ATP9B: variants seen among roughly 807,000 people sequenced by gnomAD.
ATP9B encodes probable phospholipid-transporting ATPase IIB.
Under a neutral mutation model 146.1 loss-of-function variants are expected in ATP9B, and 110 were observed. The ratio of observed to expected loss-of-function variants is 0.75; its 90% CI spans 0.65 to 0.88. The LOEUF is 0.88. Ranked by LOEUF, ATP9B falls within the 40% of genes least tolerant of loss-of-function variation. The pLI is 0.00. For synonymous variants in ATP9B, 604 were observed against 569.7 expected, an observed-to-expected ratio of 1.06 and a Z score of -0.86; for missense variants, 1,499 against 1,496.4, an observed-to-expected ratio of 1.00 and a Z score of -0.03.
intron 29 of ATP9B, chr18:79,376,244 A>G (rs1393194621): frequency 2.0e-6 from 2 of 984,508 alleles, no homozygotes; most frequent in East Asian, 1.1e-4. Context: ...GCTAGCCTAG[A>G]TCGTCCAAAC....
In ATP9B at chr18:79,156,080, C is replaced by G. The variant is rs141495292; in HGVS notation, c.778+1525C>G. On this transcript the variant is annotated intron_variant, in intron 7 of 29. Coordinates refer to ENST00000426216, the MANE Select transcript of ATP9B (RefSeq NM_198531.5). ...CCCGGCCAAATGTTTTCTCTTTCTA[C>G]CAGTTGTAGTTACATGGTTACTTAC... Among the ~76,000 whole-genome samples the G allele has an allele frequency of 4.9e-3, 750 of 152,208 alleles. 5 individuals carry two copies. Among genetic ancestry groups the G allele is most frequent in the African/African-American group, 0.017 (712 of 41,544 alleles).
chr18:79,317,901 T>C (rs1275961000), intron 15 of ATP9B, among the ~76,000 whole-genome samples: 2 of 152,108 alleles, frequency 1.3e-5, no homozygotes, highest in Non-Finnish European at 2.9e-5. Flanking sequence ...AAGGAATTGC[T>C]CAAAGCCAGC....
chr18:79,250,326 G>A (rs2096010470), intron 11 of ATP9B, among the ~76,000 whole-genome samples: 1 of 152,216 alleles, frequency 6.6e-6, no homozygotes, highest in Non-Finnish European at 1.5e-5. Context: ...TACAAAAAAA[G>A]ACCAACTCTG....
chr18:79,116,830 C>T (rs1219427687), intron 4 of ATP9B, among the ~76,000 whole-genome samples: 6 of 100,054 alleles, frequency 6.0e-5, no homozygotes, highest in Admixed American at 1.1e-4. Flanking sequence ...CTAGATGACA[C>T]GTTAGTGGGT....
intron 15 of ATP9B, among the ~76,000 whole-genome samples, chr18:79,321,385 T>G (rs1161850336): frequency 6.6e-4 from 1 of 1,510 alleles, no homozygotes; most frequent in African/African-American, 5.5e-3. Context: ...CATCTAGCAA[T>G]TTTTTTTTTT....
rs1448701991 is a variant in ATP9B at position 79,171,877 on chromosome 18, CG to C, written c.779-4935del. The stretch of plus-strand genomic sequence containing the variant: ...AAACCATTCATGACCTTCGGAGACT[CG>C]TTTTTTTTTGTTTGTTTGTTTGTTT... On this transcript the variant is annotated intron_variant, in intron 7 of 29. Coordinates refer to ENST00000426216, the MANE Select transcript of ATP9B (RefSeq NM_198531.5). Among the ~76,000 whole-genome samples the C allele has an allele frequency of 2.6e-4, 27 of 104,870 alleles. No homozygotes were observed. The East Asian group carries it at 0.01, about 39-fold the overall frequency. 68.8% of individuals were successfully genotyped at this position (104,870 alleles called of 152,430 possible).
chr18:79,267,257 A>C (rs1297988188), intron 12 of ATP9B, among the ~76,000 whole-genome samples: 1 of 152,026 alleles, frequency 6.6e-6, no homozygotes, highest in Non-Finnish European at 1.5e-5. Flanking sequence ...CTGTGATATG[A>C]ACCTTTTTAA....
Position 79,369,458 on chromosome 18 carries a change from G to A in ATP9B, c.3013-3367G>A, listed in dbSNP as rs552190333. ...TGAGGTAGGAGAATGGCGTGAACCC[G>A]GGAGGCGAAGCCTGCAGTGAGCCAA... On this transcript the variant is annotated intron_variant, in intron 26 of 29. Coordinates refer to ENST00000426216, the MANE Select transcript of ATP9B (RefSeq NM_198531.5). Among the ~76,000 whole-genome samples, 18 of 151,504 alleles carry A rather than the reference G, an allele frequency of 1.2e-4. No homozygotes were observed. In the East Asian group the frequency reaches 1.6e-3, roughly 13 times the overall value.
intron 7 of ATP9B, among the ~76,000 whole-genome samples, chr18:79,164,281 GATAACGCCA>G: frequency 6.6e-6 from 1 of 152,206 alleles, no homozygotes; most frequent in African/African-American, 2.4e-5. Context: ...TACTTTAATT[GATAACGCCA>G]ATAACTGGAG....
chr18:79,169,122 C>G (rs923106776), intron 7 of ATP9B, among the ~76,000 whole-genome samples: 4 of 152,212 alleles, frequency 2.6e-5, no homozygotes, highest in Middle Eastern at 3.4e-3. Flanking sequence ...ACAGTGGAGG[C>G]ATTTTTCTAT....
At chr18:79,277,685 G>C (rs1568558152) in intron 13 of ATP9B, among the ~76,000 whole-genome samples, 1 of 152,012 alleles carries the variant, frequency 6.6e-6, no homozygotes, top group Non-Finnish European at 1.5e-5. Flanking sequence ...AATTCTGTTT[G>C]TCCTTATTTA....
intron 1 of ATP9B, among the ~76,000 whole-genome samples, chr18:79,089,958 C>G (rs2074177410): frequency 6.6e-6 from 1 of 152,182 alleles, no homozygotes; most frequent in African/African-American, 2.4e-5. Context: ...AAGCATCATT[C>G]TACTCTCTGT....
chr18:79,084,266 T>A (rs1160558927), intron 1 of ATP9B, among the ~76,000 whole-genome samples: 1 of 151,900 alleles, frequency 6.6e-6, no homozygotes, highest in African/African-American at 2.4e-5. Flanking sequence ...GTACCCCGGG[T>A]ATGAGTACCC....
intron 7 of ATP9B, among the ~76,000 whole-genome samples, chr18:79,161,203 C>G (rs2094875596): frequency 8.8e-6 from 1 of 113,994 alleles, no homozygotes; most frequent in Non-Finnish European, 1.9e-5. Context: ...TTGTGTTAAC[C>G]TTGGATAAAT....
At chr18:79,338,689 G>C (rs372267959) in intron 19 of ATP9B, among the ~76,000 whole-genome samples, 2 of 152,312 alleles carry the variant, frequency 1.3e-5, no homozygotes, top group East Asian at 3.9e-4. Flanking sequence ...TTCCTGCACA[G>C]GGGAAATTGG....
chr18:79,209,947 CT>C (rs1568411745), intron 10 of ATP9B, among the ~76,000 whole-genome samples: 1 of 152,058 alleles, frequency 6.6e-6, no homozygotes, highest in Non-Finnish European at 1.5e-5. Context: ...TTGAGAATTC[CT>C]TTTACTCTTA....
intron 7 of ATP9B, among the ~76,000 whole-genome samples, chr18:79,161,935 A>G (rs1420191512): frequency 6.6e-6 from 1 of 152,240 alleles, no homozygotes; most frequent in Non-Finnish European, 1.5e-5. Flanking sequence ...AATTTGTGTT[A>G]TAATATTGCT....
At chr18:79,325,615 G>A (rs980440406) in intron 15 of ATP9B, among the ~76,000 whole-genome samples, 20 of 152,244 alleles carry the variant, frequency 1.3e-4, no homozygotes, top group African/African-American at 2.9e-4. Flanking sequence ...GGGAAGGAGC[G>A]GGGGCTTTTG....
At chr18:79,295,672 T>C (rs1468460904) in intron 13 of ATP9B, among the ~76,000 whole-genome samples, 1 of 152,268 alleles carries the variant, frequency 6.6e-6, no homozygotes. Context: ...GTGGCCTGAA[T>C]GTTCATCTCT....
Sources: allele counts gnomAD v4.1 joint callset (sites outside exome capture counted in the v4.1 genomes callset), GRCh38; gene constraint gnomAD v4.1.1; transcripts MANE v1.5; gene names NCBI Gene and HGNC (gene_info 2026-07-23, HGNC 2026-07-21).